Variants in PIK3R6 observed in about 807,000 individuals in gnomAD.
PIK3R6 encodes phosphoinositide-3-kinase regulatory subunit 6.
A neutral mutation model predicts 84.9 loss-of-function variants in PIK3R6; 91 were observed. That is an observed-to-expected ratio of 1.07 (90% confidence interval 0.90 to 1.28). The LOEUF (loss-of-function observed/expected upper bound fraction) is 1.28, where lower values mean the gene tolerates loss of function less well. PIK3R6 is among the 50% of genes most tolerant of loss of function. PIK3R6 has a pLI of 0.00. For synonymous variants in PIK3R6, 416 were observed against 411.4 expected, an observed-to-expected ratio of 1.01 and a Z score of -0.13; for missense variants, 996 against 985.1, an observed-to-expected ratio of 1.01 and a Z score of -0.15.
chr17:8,829,192 T>TACAG (rs3216920), intron 10 of PIK3R6, among the ~76,000 whole-genome samples: 56,192 of 146,368 alleles, frequency 0.38, 10,496 homozygotes, highest in East Asian at 0.54. Context: ...CAGACAGACA[T>TACAG]ACACACACGT....
Position 8,853,961 on chromosome 17 carries a change from G to GA in PIK3R6, c.-91-4077dup, listed in dbSNP as rs58019683. Among the ~76,000 whole-genome samples the GA allele has an allele frequency of 2.2e-3, 262 of 120,274 alleles. 1 individual carries two copies. Among genetic ancestry groups the GA allele is most frequent in the South Asian group, 7.5e-3 (26 of 3,444 alleles). 78.9% of individuals were successfully genotyped at this position (120,274 alleles called of 152,430 possible). On this transcript the variant is annotated intron_variant, in intron 1 of 19. Transcript: ENST00000619866. ...CTGGTGACAGAGAGAGACTCCGTCT[G>GA]AAAAAAAAAAAAAAAAGTCAATTCT...
intron 1 of PIK3R6, among the ~76,000 whole-genome samples, chr17:8,852,399 T>C (rs1414718023): frequency 6.6e-6 from 1 of 152,198 alleles, no homozygotes; most frequent in Non-Finnish European, 1.5e-5. Flanking sequence ...GTAATTATAA[T>C]GTACTACAAT....
chr17:8,827,539 G>A (rs1413179971), intron 12 of PIK3R6, among the ~76,000 whole-genome samples: 2 of 152,162 alleles, frequency 1.3e-5, no homozygotes, highest in African/African-American at 4.8e-5. Flanking sequence ...GGAGAGACAA[G>A]TATGGCTTTG....
chr17:8,850,906 T>C (rs1263540530), intron 1 of PIK3R6, among the ~76,000 whole-genome samples: 4 of 152,208 alleles, frequency 2.6e-5, no homozygotes, highest in Non-Finnish European at 5.9e-5. Context: ...AAACTGCTTA[T>C]ATTTGTAACC....
At chr17:8,858,684 A>C (rs1341062001) in intron 1 of PIK3R6, among the ~76,000 whole-genome samples, 2 of 152,034 alleles carry the variant, frequency 1.3e-5, no homozygotes, top group Non-Finnish European at 2.9e-5. Context: ...CGATGGCAGG[A>C]GCTATCAGTA....
At position 8,828,943 on chromosome 17, in the gene PIK3R6, T is replaced by C. The variant is rs746022647; in HGVS notation, c.937A>G (p.Ser313Gly). The change falls in exon 11 of 20, where the codon AGT (serine) becomes GGT (glycine). Residue 313 changes from serine to glycine, a missense_variant. Ser to Gly is a moderately conservative substitution (Grantham distance 56). Transcript: ENST00000619866. ...FLRPRSQLRL[S>G]ADLEVLDLQG... ...AGATCCAAGACCTCCAAGTCAGCAC[T>C]GAGGCGCAGCTGGGATCTTGGGCGG... 6.6e-7 allele frequency: 1 copy of C among 1,510,378 alleles called. No homozygotes were observed. The allele number at this position is 1,510,378 out of a possible 1,614,324, so 93.6% of individuals were successfully genotyped here.
At position 8,803,362 on chromosome 17, in the gene PIK3R6, A is replaced by G; in HGVS notation, c.2176T>C (p.Leu726=). 1 of 1,613,692 alleles carries G rather than the reference A, an allele frequency of 6.2e-7. No individual in the cohort carries two copies. Among genetic ancestry groups the G allele is most frequent in the Non-Finnish European group, 8.5e-7 (1 of 1,179,808 alleles). Residue 726 remains leucine (L), a synonymous_variant, in exon 20 of 20, where the codon TTG becomes CTG. Transcript: ENST00000619866. This position sits in a 1 kb window ranked among gnomAD's most constrained non-coding sequence, Gnocchi z 5.0. Reference sequence around the variant, plus strand: ...GCTTCCACCTCCTGTTGCCCATGCAAATTGAGCCACGGTGCCTTGGACTTC... The same window carrying G: ...GCTTCCACCTCCTGTTGCCCATGCAGATTGAGCCACGGTGCCTTGGACTTC... ...AQKSKAPWLN[L]HGQQEVEAIK...
chr17:8,853,970 A>G (rs2089055340), intron 1 of PIK3R6, among the ~76,000 whole-genome samples: 1 of 152,040 alleles, frequency 6.6e-6, no homozygotes, highest in Non-Finnish European at 1.5e-5. Context: ...TGAAAAAAAA[A>G]AAAAAAAGTC....
At chr17:8,828,236 C>T in intron 11 of PIK3R6, 46 bp from the exon 12 acceptor site, 1 of 1,573,038 alleles carries the variant, frequency 6.4e-7, no homozygotes, top group Non-Finnish European at 8.7e-7. Flanking sequence ...CGGGGCTTGG[C>T]TTCAAACAGA....
intron 1 of PIK3R6, among the ~76,000 whole-genome samples, chr17:8,864,237 C>T (rs911173458): frequency 2.0e-5 from 3 of 152,070 alleles, no homozygotes; most frequent in Non-Finnish European, 2.9e-5. Context: ...GTTTGCAGCT[C>T]GTCATGAAAA....
At chr17:8,807,123 G>A (rs2087228065) in intron 18 of PIK3R6, among the ~76,000 whole-genome samples, 1 of 152,230 alleles carries the variant, frequency 6.6e-6, no homozygotes, top group East Asian at 1.9e-4. Context: ...GGTCCACTTT[G>A]GAGCCTAAAA....
At chr17:8,830,381 G>A (rs1028371531) in intron 9 of PIK3R6, among the ~76,000 whole-genome samples, 13 of 152,140 alleles carry the variant, frequency 8.5e-5, no homozygotes, top group African/African-American at 3.1e-4. Flanking sequence ...CCAGTGGCCC[G>A]CGGTGGTCAT....
In PIK3R6 at chr17:8,828,974, G is replaced by A. The variant is rs368907810; in HGVS notation, c.906C>T (p.Leu302=). The A allele has an allele frequency of 1.3e-6, 2 of 1,499,980 alleles. No homozygotes were observed. The highest frequency in any genetic ancestry group is 8.9e-7 in the Non-Finnish European group (1 of 1,124,664). The allele number at this position is 1,499,980 out of a possible 1,614,324, so 92.9% of individuals were successfully genotyped here. The part of the protein sequence containing the change: ...GEEQLWKELV[L]FLRPRSQLRL... The stretch of plus-strand genomic sequence containing the variant: ...GCAGCTGGGATCTTGGGCGGAGGAA[G>A]AGCACCAGTTCCTTCCCTGGGGTGG... The change falls in exon 11 of 20, where the codon CTC becomes CTT. Residue 302 remains leucine (L), a synonymous_variant. Coordinates refer to ENST00000619866, the MANE Select transcript of PIK3R6 (RefSeq NM_001010855.4).
rs1245815655 is a variant in PIK3R6, at chr17:8,840,272, G to GAAATATATACAGCCTACAAATATA, written c.14-576_14-575insTATATTTGTAGGCTGTATATATTT. Among the ~76,000 whole-genome samples, 46 of 67,294 alleles carry GAAATATATACAGCCTACAAATATA rather than the reference G, an allele frequency of 6.8e-4. 4 individuals are homozygous for GAAATATATACAGCCTACAAATATA. The highest frequency in any genetic ancestry group is 2.6e-3 in the African/African-American group (41 of 15,554). The allele number at this position is 67,294 out of a possible 152,430, so 44.1% of individuals were successfully genotyped here. On this transcript the variant is annotated intron_variant, in intron 2 of 19. Transcript: ENST00000619866. ...TGAAATATATACAGCCTACAAATAT[G>GAAATATATACAGCCTACAAATATA]TATATGAAATATATACAGCCTACAA...
At chr17:8,857,980 C>G (rs2089183602) in intron 1 of PIK3R6, among the ~76,000 whole-genome samples, 1 of 151,956 alleles carries the variant, frequency 6.6e-6, no homozygotes, top group South Asian at 2.1e-4. Flanking sequence ...TATTCATTTG[C>G]TCATTCCTTC....
At chr17:8,835,700 A>T (rs1489337662) in intron 7 of PIK3R6, among the ~76,000 whole-genome samples, 1 of 152,150 alleles carries the variant, frequency 6.6e-6, no homozygotes, top group Non-Finnish European at 1.5e-5. Flanking sequence ...AGAGGAAAGC[A>T]GGCCTAGTCC....
chr17:8,830,959 C>T lies in PIK3R6; in HGVS notation c.803-1167G>A, dbSNP rs547315718. Among the ~76,000 whole-genome samples the T allele has an allele frequency of 9.9e-5, 15 of 151,636 alleles. 1 individual carries two copies. The highest frequency in any genetic ancestry group is 3.9e-4 in the Admixed American group (6 of 15,232). On this transcript the variant is annotated intron_variant, in intron 9 of 19. Transcript: ENST00000619866. ...GAGATCGCAACCATCCTGGCTAACA[C>T]GGTGAAACCCCGTCTCTACTAAAAA... is the stretch of plus-strand genomic sequence containing the variant.
At chr17:8,856,864 G>C (rs1597440525) in intron 1 of PIK3R6, among the ~76,000 whole-genome samples, 2 of 102,036 alleles carry the variant, frequency 2.0e-5, no homozygotes, top group Admixed American at 9.5e-5. Context: ...CACAAAAGAA[G>C]AGAGCTAATA....
chr17:8,835,221 C>CA, intron 8 of PIK3R6, 52 bp downstream of exon 8: 1 of 1,409,674 alleles, frequency 7.1e-7, no homozygotes, highest in Admixed American at 2.6e-5. Flanking sequence ...CTGGTATGGG[C>CA]ATGCAGGGAC....
Sources: gnomAD v4.1 joint callset for allele counts (sites outside exome capture counted in the v4.1 genomes callset) on GRCh38, gnomAD v4.1.1 for gene constraint, Gnocchi (gnomAD v3.1) non-coding constraint, MANE v1.5 for transcripts, NCBI Gene and HGNC (gene_info 2026-07-23, HGNC 2026-07-21) for gene names.